ZDHHC14: variants seen among roughly 807,000 people sequenced by gnomAD.
ZDHHC14 encodes zDHHC palmitoyltransferase 14.
ZDHHC14 carries 16 observed loss-of-function variants against 47.7 expected under a neutral mutation model. The observed-to-expected ratio is 0.34, with a 90% confidence interval of 0.23 to 0.51. ZDHHC14 has a LOEUF of 0.51. ZDHHC14 is among the 20% of genes least tolerant of loss of function. The pLI is 0.97. For missense variants in ZDHHC14, 515 were observed against 662.5 expected (o/e 0.78, Z 2.44); for synonymous variants, 293 against 278.9 (o/e 1.05, Z -0.50).
intron 1 of ZDHHC14, among the ~76,000 whole-genome samples, chr6:157,439,355 A>G (rs1201218856): frequency 6.6e-6 from 1 of 152,232 alleles, no homozygotes; most frequent in Non-Finnish European, 1.5e-5. Context: ...AAAGGACATG[A>G]ACAGACACTT....
At chr6:157,467,181 C>T (rs1267713606) in intron 1 of ZDHHC14, among the ~76,000 whole-genome samples, 2 of 152,088 alleles carry the variant, frequency 1.3e-5, no homozygotes, top group African/African-American at 4.8e-5. Flanking sequence ...ACTCACATGC[C>T]GTGAGATTTG....
rs1441497188 is a variant in ZDHHC14 at position 157,428,767 on chromosome 6, C to T, written c.245+46501C>T. Among the ~76,000 whole-genome samples the T allele has an allele frequency of 3.3e-5, 5 of 152,264 alleles. No individual in the cohort carries two copies. The East Asian group carries it at 7.7e-4, about 24-fold the overall frequency. On this transcript the variant is annotated intron_variant, in intron 1 of 8. Transcript: ENST00000359775. ...AGTGCATTGTTAGTCGTTACCTGTT[C>T]TGGTTGTTGCTCCTTACATAAAGTT...
intron 1 of ZDHHC14, among the ~76,000 whole-genome samples, chr6:157,465,123 T>G (rs1365511494): frequency 1.3e-5 from 2 of 150,656 alleles, no homozygotes; most frequent in Non-Finnish European, 3.0e-5. Flanking sequence ...TTTTTTTTTT[T>G]TTTTTACATT....
intron 1 of ZDHHC14, among the ~76,000 whole-genome samples, chr6:157,441,905 A>C (rs1360728935): frequency 6.6e-6 from 1 of 152,238 alleles, no homozygotes; most frequent in African/African-American, 2.4e-5. Flanking sequence ...ATTTCCATAC[A>C]GAAAAGATTT....
At chr6:157,602,709 AG>A (rs1372104087) in intron 3 of ZDHHC14, among the ~76,000 whole-genome samples, 7 of 152,088 alleles carry the variant, frequency 4.6e-5, no homozygotes, top group Admixed American at 1.3e-4. Context: ...AGTGTCAGGA[AG>A]GCCGGGCTCC....
At chr6:157,541,446 G>A (rs988770745) in intron 1 of ZDHHC14, among the ~76,000 whole-genome samples, 3 of 152,256 alleles carry the variant, frequency 2.0e-5, no homozygotes, top group Middle Eastern at 3.4e-3. Context: ...CAAGAGCCCT[G>A]TCTGCTTCCT....
In ZDHHC14 at chr6:157,673,222, C is replaced by T. The variant is rs150689967; in HGVS notation, c.*100C>T. 2.4e-5 allele frequency: 34 copies of T among 1,424,102 alleles called. No individual in the cohort carries two copies. The African/African-American group carries it at 3.1e-4, about 13-fold the overall frequency. 88.2% of individuals were successfully genotyped at this position (1,424,102 alleles called of 1,614,324 possible). ...ACAGCGACTTTCCCAGCCAATGCCACGGTGGAGATGACAGCCCCAGGTCTG... is the reference window on the plus strand; with the variant it reads ...ACAGCGACTTTCCCAGCCAATGCCATGGTGGAGATGACAGCCCCAGGTCTG... On this transcript the variant is annotated 3_prime_UTR_variant, in exon 9 of 9. Coordinates refer to ENST00000359775, the MANE Select transcript of ZDHHC14 (RefSeq NM_024630.3). The surrounding 1 kb of genome is among the most constrained non-coding windows in gnomAD (Gnocchi z 5.4).
intron 3 of ZDHHC14, among the ~76,000 whole-genome samples, chr6:157,603,119 A>G (rs1347288847): frequency 1.3e-5 from 2 of 152,146 alleles, no homozygotes; most frequent in African/African-American, 4.8e-5. Context: ...TGGCAGTGCC[A>G]GGGCCCAGGG....
intron 1 of ZDHHC14, among the ~76,000 whole-genome samples, chr6:157,535,410 C>T (rs1464205593): frequency 6.6e-6 from 1 of 152,206 alleles, no homozygotes; most frequent in East Asian, 1.9e-4. Context: ...CTACAGTTCT[C>T]ACCCGACAAA....
chr6:157,528,587 C>T (rs9457705), intron 1 of ZDHHC14, among the ~76,000 whole-genome samples: 59,478 of 151,300 alleles, frequency 0.39, 11,761 homozygotes, highest in Admixed American at 0.46. Flanking sequence ...AAGAAATTAG[C>T]CAGGCGTGGT....
chr6:157,667,745 A>G (rs1778616554), intron 8 of ZDHHC14, among the ~76,000 whole-genome samples: 1 of 152,224 alleles, frequency 6.6e-6, no homozygotes, highest in African/African-American at 2.4e-5. Flanking sequence ...TTATGAACCC[A>G]TCGCCCTTGG....
At chr6:157,484,557 A>G (rs1218870989) in intron 1 of ZDHHC14, among the ~76,000 whole-genome samples, 1 of 150,846 alleles carries the variant, frequency 6.6e-6, no homozygotes, top group African/African-American at 2.4e-5. Flanking sequence ...AAGAAAAAAA[A>G]ATTCTTCATT....
chr6:157,397,271 GC>G (rs1777540136), intron 1 of ZDHHC14, among the ~76,000 whole-genome samples: 1 of 152,168 alleles, frequency 6.6e-6, no homozygotes, highest in African/African-American at 2.4e-5. Flanking sequence ...TTCTTTTGCT[GC>G]TGTAATGAAT....
At chr6:157,383,932 A>G (rs539345254) in intron 1 of ZDHHC14, among the ~76,000 whole-genome samples, 3 of 152,234 alleles carry the variant, frequency 2.0e-5, no homozygotes, top group Non-Finnish European at 2.9e-5. Flanking sequence ...AAGAAGGGGC[A>G]TAGAGGTTCC....
At chr6:157,481,781 A>G (rs961129704) in intron 1 of ZDHHC14, among the ~76,000 whole-genome samples, 27 of 152,198 alleles carry the variant, frequency 1.8e-4, no homozygotes, top group African/African-American at 6.5e-4. Context: ...CACCATTCCT[A>G]AAGCTCGATA....
intron 1 of ZDHHC14, among the ~76,000 whole-genome samples, chr6:157,398,583 T>C (rs2800452): frequency 0.83 from 125,891 of 152,114 alleles, 52,239 homozygotes; most frequent in Middle Eastern, 0.93. Context: ...ACATCAGTGT[T>C]CCCCTGCCCC....
At chr6:157,532,560 CT>C (rs1781402508) in intron 1 of ZDHHC14, among the ~76,000 whole-genome samples, 1 of 152,148 alleles carries the variant, frequency 6.6e-6, no homozygotes, top group Admixed American at 6.5e-5. Flanking sequence ...GAGTTGGGCC[CT>C]ATATGTGTGG....
intron 8 of ZDHHC14, among the ~76,000 whole-genome samples, chr6:157,654,228 A>C (rs1363212346): frequency 1.3e-5 from 2 of 151,962 alleles, no homozygotes; most frequent in African/African-American, 2.4e-5. Context: ...GTAGGTTTCT[A>C]GCGTGCAGGT....
chr6:157,647,449 T>A (rs616538), intron 7 of ZDHHC14, 81 bp downstream of exon 7: 1 of 1,075,878 alleles, frequency 9.3e-7, no homozygotes. Context: ...CCGCCCGCCC[T>A]GGTGGAATGG....
Sources: gnomAD v4.1 joint callset for allele counts (sites outside exome capture counted in the v4.1 genomes callset) on GRCh38, gnomAD v4.1.1 for gene constraint, Gnocchi (gnomAD v3.1) non-coding constraint, MANE v1.5 for transcripts, NCBI Gene and HGNC (gene_info 2026-07-23, HGNC 2026-07-21) for gene names.